Variants in DNAAF9 observed in about 807,000 individuals in gnomAD.
DNAAF9 encodes shulin.
DNAAF9 carries 90 observed loss-of-function variants against 167.0 expected under a neutral mutation model. The ratio of observed to expected loss-of-function variants is 0.54; its 90% CI spans 0.45 to 0.64. The LOEUF is 0.64. Among genes scored for constraint, DNAAF9 ranks in the 30% least tolerant of loss-of-function variants. The pLI is 0.00. For synonymous variants in DNAAF9, 491 were observed against 508.8 expected (o/e 0.96, Z 0.47); for missense variants, 1,315 against 1,442.2 (o/e 0.91, Z 1.43).
chr20:3,300,362 TTTTTCAG>T (rs1267177141), intron 21 of DNAAF9, among the ~76,000 whole-genome samples: 1 of 152,142 alleles, frequency 6.6e-6, no homozygotes, highest in Non-Finnish European at 1.5e-5. Context: ...TTCTGCAATA[TTTTTCAG>T]TTTTCAGTGT....
At chr20:3,279,990 T>G (rs1343296169) in intron 28 of DNAAF9, among the ~76,000 whole-genome samples, 1 of 152,206 alleles carries the variant, frequency 6.6e-6, no homozygotes, top group Admixed American at 6.5e-5. Context: ...TCCTTTTATT[T>G]GATTTCTGAC....
At chr20:3,389,222 T>G (rs1252724375) in intron 1 of DNAAF9, among the ~76,000 whole-genome samples, 2 of 152,148 alleles carry the variant, frequency 1.3e-5, no homozygotes, top group African/African-American at 4.8e-5. Flanking sequence ...CACGACTCAC[T>G]GCAGCCTCAA....
intron 18 of DNAAF9, chr20:3,316,066 AG>A: frequency 2.1e-6 from 1 of 482,994 alleles, no homozygotes; most frequent in Non-Finnish European, 3.7e-6. Context: ...ATTTCACTTC[AG>A]AAAAAAACAA....
At chr20:3,377,423 T>G (rs1304143394) in intron 3 of DNAAF9, among the ~76,000 whole-genome samples, 1 of 152,156 alleles carries the variant, frequency 6.6e-6, no homozygotes, top group Non-Finnish European at 1.5e-5. Context: ...TGTACCTTAC[T>G]GCTATACAAC....
In DNAAF9 at chr20:3,358,172, C is replaced by T. The variant is rs80021720; in HGVS notation, c.690+1344G>A. ...TACTTTATCTGTACCTGGATGCCAACGCATTTTATTGTTTTCTGGGGGGAT... is the reference window on the plus strand; with the variant it reads ...TACTTTATCTGTACCTGGATGCCAATGCATTTTATTGTTTTCTGGGGGGAT... On this transcript the variant is annotated intron_variant, in intron 7 of 36. Coordinates refer to ENST00000252032, the MANE Select transcript of DNAAF9 (RefSeq NM_001009984.3). 4.7e-3 allele frequency among the ~76,000 whole-genome samples: 708 copies of T among 151,904 alleles called. 3 individuals carry two copies. Among genetic ancestry groups the T allele is most frequent in the African/African-American group, 0.016 (672 of 41,402 alleles).
chr20:3,390,151 A>G (rs1233474132), intron 1 of DNAAF9, among the ~76,000 whole-genome samples: 2 of 152,206 alleles, frequency 1.3e-5, no homozygotes, highest in Non-Finnish European at 1.5e-5. Flanking sequence ...AGGTATGGCA[A>G]TGTTATCATG....
chr20:3,338,113 T>A (rs978978214), intron 10 of DNAAF9, among the ~76,000 whole-genome samples: 7 of 150,458 alleles, frequency 4.7e-5, no homozygotes, highest in African/African-American at 1.7e-4. Context: ...CACACACACA[T>A]ACATAAAGAA....
chr20:3,340,649 G>A lies in DNAAF9; in HGVS notation c.846-10C>T, dbSNP rs779436967. The A allele has an allele frequency of 4.3e-6, 7 of 1,613,720 alleles. No individual in the cohort carries two copies. Among genetic ancestry groups the A allele is most frequent in the African/African-American group, 1.3e-5 (1 of 74,996 alleles). ...TGGCTGCCGGTTAGGGCTAGAGAGG[G>A]AAGTCAAAAACATGTGATTAGAAAA... On this transcript the variant is annotated splice_polypyrimidine_tract_variant and intron_variant, in intron 9 of 36. Transcript: ENST00000252032.
chr20:3,322,777 T>C, intron 14 of DNAAF9, 81 bp from the exon 15 acceptor site: 1 of 978,998 alleles, frequency 1.0e-6, no homozygotes, highest in South Asian at 1.3e-5. Context: ...TGCTTGGGAT[T>C]CTCAAGGCCA....
At chr20:3,343,799 A>AT in intron 8 of DNAAF9, 68 bp from the exon 9 acceptor site, 1 of 1,146,274 alleles carries the variant, frequency 8.7e-7, no homozygotes, top group Non-Finnish European at 1.3e-6. Context: ...AACCCCTCAC[A>AT]TATGTATGTA....
chr20:3,324,031 C>A (rs2069666694), intron 14 of DNAAF9, among the ~76,000 whole-genome samples: 1 of 152,168 alleles, frequency 6.6e-6, no homozygotes, highest in African/African-American at 2.4e-5. Flanking sequence ...TATCCTTTCC[C>A]TTTCATGGCC....
At chr20:3,367,948 C>T (rs182995829) in intron 6 of DNAAF9, among the ~76,000 whole-genome samples, 1 of 150,390 alleles carries the variant, frequency 6.6e-6, no homozygotes, top group East Asian at 1.9e-4. Context: ...CAAAGTGCAG[C>T]AAACCAAAGC....
At chr20:3,316,644 A>G (rs1600768852) in intron 18 of DNAAF9, 79 bp downstream of exon 18, 2 of 1,023,616 alleles carry the variant, frequency 2.0e-6, no homozygotes, top group East Asian at 4.9e-5. Flanking sequence ...CCAGGGGCCC[A>G]ACAAAGAGGC....
chr20:3,262,761 G>T (rs1466322991), intron 31 of DNAAF9, among the ~76,000 whole-genome samples: 1 of 152,088 alleles, frequency 6.6e-6, no homozygotes, highest in African/African-American at 2.4e-5. Flanking sequence ...CTGGAAAGAA[G>T]GTTCCCCCAG....
intron 7 of DNAAF9, among the ~76,000 whole-genome samples, chr20:3,353,642 C>T (rs201394002): frequency 1.5e-4 from 20 of 135,126 alleles, no homozygotes; most frequent in Non-Finnish European, 3.0e-4. Context: ...CACCACCCCC[C>T]CCCCCGCAAA....
chr20:3,337,439 TG>T (rs1430913742), intron 10 of DNAAF9, among the ~76,000 whole-genome samples: 26 of 117,184 alleles, frequency 2.2e-4, no homozygotes, highest in Non-Finnish European at 3.5e-4. Context: ...TCTTTTTTTT[TG>T]TTTTTTTTTT....
intron 25 of DNAAF9, among the ~76,000 whole-genome samples, chr20:3,293,172 A>C (rs1320022980): frequency 6.6e-6 from 1 of 151,584 alleles, no homozygotes; most frequent in Non-Finnish European, 1.5e-5. Flanking sequence ...GCATGCCTGT[A>C]ATCCCAGCTA....
intron 3 of DNAAF9, among the ~76,000 whole-genome samples, chr20:3,377,291 T>C (rs1429123079): frequency 6.6e-6 from 1 of 152,206 alleles, no homozygotes; most frequent in Non-Finnish European, 1.5e-5. Context: ...AGGGATTCTC[T>C]ACAGAATGTA....
intron 6 of DNAAF9, among the ~76,000 whole-genome samples, chr20:3,368,442 G>C (rs113633651): frequency 4.0e-5 from 6 of 151,838 alleles, no homozygotes; most frequent in African/African-American, 1.4e-4. Flanking sequence ...TTTGTGGTGG[G>C]TGACTTGTTT....
Sources: allele counts gnomAD v4.1 joint callset (sites outside exome capture counted in the v4.1 genomes callset), GRCh38; gene constraint gnomAD v4.1.1; transcripts MANE v1.5; gene names NCBI Gene and HGNC (gene_info 2026-07-23, HGNC 2026-07-21).